Variants in NCDN observed in about 807,000 individuals in gnomAD.
The protein encoded by NCDN is neurochondrin.
NCDN carries 9 observed loss-of-function variants against 60.7 expected under a neutral mutation model. That is an observed-to-expected ratio of 0.15 (90% CI 0.09 to 0.26). The LOEUF (loss-of-function observed/expected upper bound fraction) is 0.26. NCDN is among the 10% of genes least tolerant of loss of function. The pLI is 1.00. For synonymous variants in NCDN, 409 were observed against 442.5 expected (o/e 0.92, Z 0.95); for missense variants, 578 against 975.2 (o/e 0.59, Z 5.42).
rs200433534 is a variant in NCDN at position 35,566,376 on chromosome 1, T to C, written c.*713T>C. On this transcript the variant is annotated 3_prime_UTR_variant, in exon 7 of 7. Transcript: ENST00000373243. The surrounding 1 kb of genome is among the most constrained non-coding windows in gnomAD (Gnocchi z 5.3). ...CAGAGTGACGATGGGGGTTGGGGGG[T>C]TATTTATTTTGCCTGTCCTTATCCC... The C allele has an allele frequency of 2.1e-5, 4 of 187,968 alleles. No individual in the cohort carries two copies. The South Asian group carries it at 3.9e-4, about 18-fold the overall frequency. 11.6% of individuals were successfully genotyped at this position (187,968 alleles called of 1,614,324 possible).
chr1:35,565,599 C>T lies in NCDN; in HGVS notation c.2126C>T (p.Ala709Val), dbSNP rs1242730068. 1.3e-6 allele frequency: 2 copies of T among 1,559,184 alleles called. No homozygotes were observed. The highest frequency in any genetic ancestry group is 2.4e-5 in the East Asian group (1 of 42,174). Residue 709 changes from alanine to valine, a missense_variant, in exon 7 of 7, where the codon GCG (alanine) becomes GTG (valine). Physicochemically the swap from Ala to Val is moderately conservative, Grantham distance 64 (BLOSUM62 0). Transcript: ENST00000373243. The surrounding 1 kb of genome is among the most constrained non-coding windows in gnomAD (Gnocchi z 8.9). Reference protein sequence around the residue: ...RLCREAMRLQAGEETASHYRM... With the variant: ...RLCREAMRLQVGEETASHYRM... ...TGCCGGGAGGCCATGAGGCTGCAGG[C>T]GGGCGAGGAGACGGCCAGCCACTAC...
Position 35,562,572 on chromosome 1 carries a change from G to T in NCDN, c.1324G>T (p.Val442Leu). The change falls in exon 4 of 7, where the codon GTG (valine) becomes TTG (leucine). Residue 442 changes from valine (V) to leucine (L), a missense_variant. Around this residue, in one of 3 missense-constraint regions of NCDN, gnomAD observed 24 missense variants for 19.5 expected, o/e 1.23. Transcript: ENST00000373243. The surrounding 1 kb of genome is among the most constrained non-coding windows in gnomAD (Gnocchi z 6.8). ...GGAGGCCAATGACCTTTCCCAGCAGGTGGCCAACCTGGCCATCTCCCCCAC... is the reference window on the plus strand; with the variant it reads ...GGAGGCCAATGACCTTTCCCAGCAGTTGGCCAACCTGGCCATCTCCCCCAC... ...AEEANDLSQQ[V>L]ANLAISPTTP... is the part of the protein sequence containing the mutation. The T allele has an allele frequency of 6.2e-7, 1 of 1,614,032 alleles. No homozygotes were observed. Among genetic ancestry groups the T allele is most frequent in the East Asian group, 2.2e-5 (1 of 44,862 alleles).
rs778473377 is a variant in NCDN, at chr1:35,560,767, G to T, written c.616G>T (p.Ala206Ser). 6.2e-7 allele frequency: 1 copy of T among 1,612,502 alleles called. No homozygotes were observed. The highest frequency in any genetic ancestry group is 1.3e-5 in the African/African-American group (1 of 74,944). Residue 206 changes from alanine to serine, a missense_variant, in exon 3 of 7, where the codon GCC becomes TCC. By Grantham distance (99) the Ala-to-Ser change is moderately conservative. Transcript: ENST00000373243. The surrounding 1 kb of genome is among the most constrained non-coding windows in gnomAD (Gnocchi z 7.6). ...ACTCCTGGTGGGGCTGCTGGCTGCT[G>T]CCGAGACACAGTGCTGGAAGGAGGC... Reference protein sequence around the residue: ...LALLVGLLAAAETQCWKEAEP... With the variant: ...LALLVGLLAASETQCWKEAEP...
intron 2 of NCDN, among the ~76,000 whole-genome samples, chr1:35,559,677 G>C (rs1256841335): frequency 1.3e-5 from 2 of 150,186 alleles, no homozygotes; most frequent in African/African-American, 4.9e-5. Context: ...CTAGTTTGGG[G>C]CTTAGCCTTT....
In NCDN at chr1:35,558,033, T is replaced by C; in HGVS notation, c.-158T>C. 3 of 1,125,458 alleles carry C rather than the reference T, an allele frequency of 2.7e-6. No individual in the cohort carries two copies. The highest frequency in any genetic ancestry group is 1.6e-5 in the African/African-American group (1 of 63,398). The allele number at this position is 1,125,458 out of a possible 1,614,324, so 69.7% of individuals were successfully genotyped here. A position where few individuals can be genotyped will look rare whatever the true frequency, so the allele number is the denominator to read the frequency against. On this transcript the variant is annotated 5_prime_UTR_variant, in exon 1 of 7. Coordinates refer to ENST00000373243, the MANE Select transcript of NCDN (RefSeq NM_014284.3). This position sits in a 1 kb window ranked among gnomAD's most constrained non-coding sequence, Gnocchi z 6.3. ...ATCGTGCCCTGTCGAGACTCCATTT[T>C]GTCACAGCCCTTTTCAATATATATC...
Position 35,560,889 on chromosome 1 carries a change from C to T in NCDN, c.738C>T (p.Leu246=), listed in dbSNP as rs1050412139. ...TTGAGCTCTGCCAGCTGCTGCCCCT[C>T]TTTTTGCCCCCGACAACCGTGCCCC... ...SKFELCQLLP[L]FLPPTTVPPE... The change falls in exon 3 of 7, where the codon CTC becomes CTT. Residue 246 remains leucine, a synonymous_variant. Coordinates refer to ENST00000373243, the MANE Select transcript of NCDN (RefSeq NM_014284.3). This position sits in a 1 kb window ranked among gnomAD's most constrained non-coding sequence, Gnocchi z 7.6. 1 of 1,614,224 alleles carries T rather than the reference C, an allele frequency of 6.2e-7. No individual in the cohort carries two copies. The highest frequency in any genetic ancestry group is 2.2e-5 in the East Asian group (1 of 44,886).
At position 35,561,859 on chromosome 1, in the gene NCDN, C is replaced by A. The variant is rs566126508; in HGVS notation, c.1144-533C>A. ...TGACTCTGGTCTCTTTAATGGCCTG[C>A]TCCAGCCACCGAGCTCACCAGCCAT... On this transcript the variant is annotated intron_variant, in intron 3 of 6. Transcript: ENST00000373243. This position sits in a 1 kb window ranked among gnomAD's most constrained non-coding sequence, Gnocchi z 4.9. 1.3e-5 allele frequency among the ~76,000 whole-genome samples: 2 copies of A among 152,238 alleles called. No individual in the cohort carries two copies. The highest frequency in any genetic ancestry group is 4.1e-4 in the South Asian group (2 of 4,822).
chr1:35,566,592 TC>T lies in NCDN; in HGVS notation c.*931del, dbSNP rs1329442368. On this transcript the variant is annotated 3_prime_UTR_variant, in exon 7 of 7. Transcript: ENST00000373243. This position sits in a 1 kb window ranked among gnomAD's most constrained non-coding sequence, Gnocchi z 5.3. ...TCTCTGCAGAGACGCGACTGGCGGC[TC>T]CAGCAGGGACTACCTTTCTTATAAA... 2 of 354,914 alleles carry T rather than the reference TC, an allele frequency of 5.6e-6. No individual in the cohort carries two copies. The highest frequency in any genetic ancestry group is 4.4e-5 in the African/African-American group (2 of 45,886). 22.0% of individuals were successfully genotyped at this position (354,914 alleles called of 1,614,324 possible).
intron 6 of NCDN, among the ~76,000 whole-genome samples, chr1:35,564,119 G>A (rs1648796990): frequency 6.6e-6 from 1 of 152,204 alleles, no homozygotes; most frequent in Non-Finnish European, 1.5e-5. Flanking sequence ...TTAAGGCAAA[G>A]TCTGGTGGGT....
Position 35,563,111 on chromosome 1 carries a change from C to T in NCDN, c.1386-91C>T, listed in dbSNP as rs552286363. 1.0e-4 allele frequency: 124 copies of T among 1,207,110 alleles called. 3 individuals carry two copies. In the South Asian group the frequency reaches 1.8e-3, roughly 18 times the overall value. The allele number at this position is 1,207,110 out of a possible 1,614,324, so 74.8% of individuals were successfully genotyped here. ...AGGATGTGTCCTTCTCCCCTACTTC[C>T]ATTTCTCTTAGGCAAGGTGCCCTAA... On this transcript the variant is annotated intron_variant, in intron 4 of 6. Coordinates refer to ENST00000373243, the MANE Select transcript of NCDN (RefSeq NM_014284.3). This position sits in a 1 kb window ranked among gnomAD's most constrained non-coding sequence, Gnocchi z 6.6.
chr1:35,563,707 G>T lies in NCDN; in HGVS notation c.1611-60G>T. On this transcript the variant is annotated intron_variant, in intron 5 of 6. Coordinates refer to ENST00000373243, the MANE Select transcript of NCDN (RefSeq NM_014284.3). The surrounding 1 kb of genome is among the most constrained non-coding windows in gnomAD (Gnocchi z 6.6). ...CCTACTGCCTAATTTCTTGCCAAGG[G>T]CTTGATTTGGCTGTACTAGACCCCC... 6.3e-7 allele frequency: 1 copy of T among 1,585,756 alleles called. No homozygotes were observed. Among genetic ancestry groups the T allele is most frequent in the Non-Finnish European group, 8.6e-7 (1 of 1,163,624 alleles).
chr1:35,562,495 A>C lies in NCDN; in HGVS notation c.1247A>C (p.Gln416Pro). The C allele has an allele frequency of 6.2e-7, 1 of 1,614,152 alleles. No homozygotes were observed. The part of the protein sequence containing the change: ...ETSSLRKEVC[Q>P]LLPFLVRYAK... ...TCATCCTTGCGTAAGGAGGTGTGCC[A>C]GCTGCTGCCCTTCCTCGTCCGCTAT... The change falls in exon 4 of 7, where the codon CAG becomes CCG. Residue 416 changes from glutamine to proline, a missense_variant. Physicochemically the swap from Gln to Pro is moderately conservative, Grantham distance 76. Coordinates refer to ENST00000373243, the MANE Select transcript of NCDN (RefSeq NM_014284.3). This position sits in a 1 kb window ranked among gnomAD's most constrained non-coding sequence, Gnocchi z 6.8.
chr1:35,557,811 G>T lies in NCDN; in HGVS notation c.-380G>T. 2 of 522,012 alleles carry T rather than the reference G, an allele frequency of 3.8e-6. No individual in the cohort carries two copies. The highest frequency in any genetic ancestry group is 2.3e-5 in the Admixed American group (1 of 44,272). The allele number at this position is 522,012 out of a possible 1,614,324, so 32.3% of individuals were successfully genotyped here. The stretch of plus-strand genomic sequence containing the variant: ...GCCTGGAGCCAGGAGTGGGCAACGC[G>T]GCGTGAGCAGCGGCCCGAGGCTCCC... On this transcript the variant is annotated 5_prime_UTR_variant, in exon 1 of 7. Transcript: ENST00000373243.
At chr1:35,564,290 G>C (rs59840055) in intron 6 of NCDN, among the ~76,000 whole-genome samples, 11,940 of 152,084 alleles carry the variant, frequency 0.079, 1,117 homozygotes, top group East Asian at 0.44. Flanking sequence ...GCTCTGCTCG[G>C]TACCTCACCC....
rs1648762179 is a variant in NCDN, at chr1:35,563,262, C to G, written c.1446C>G (p.Ile482Met). 1 of 1,614,084 alleles carries G rather than the reference C, an allele frequency of 6.2e-7. No individual in the cohort carries two copies. Among genetic ancestry groups the G allele is most frequent in the Admixed American group, 1.7e-5 (1 of 60,010 alleles). ...AAGATGGGCCCCGGGAGATCCTGATCAAGGAAGGGGCCCCCTCGCTTCTGT... is the reference window on the plus strand; with the variant it reads ...AAGATGGGCCCCGGGAGATCCTGATGAAGGAAGGGGCCCCCTCGCTTCTGT... ...TVEDGPREIL[I>M]KEGAPSLLCK... Residue 482 changes from isoleucine (I) to methionine (M), a missense_variant, in exon 5 of 7, where the codon ATC becomes ATG. Around this residue, in one of 3 missense-constraint regions of NCDN, gnomAD observed 191 missense variants for 372.1 expected, o/e 0.51. Transcript: ENST00000373243. The surrounding 1 kb of genome is among the most constrained non-coding windows in gnomAD (Gnocchi z 6.6).
Position 35,563,774 on chromosome 1 carries a change from G to A in NCDN, c.1618G>A (p.Ala540Thr), listed in dbSNP as rs777983350. 2.3e-5 allele frequency: 37 copies of A among 1,612,974 alleles called. No homozygotes were observed. Among genetic ancestry groups the A allele is most frequent in the Non-Finnish European group, 3.0e-5 (35 of 1,179,806 alleles). The stretch of plus-strand genomic sequence containing the variant: ...CCCCCCTTTCTTTTCCAGGCGTGAC[G>A]CCTGCTTCACATCTCTAATGAACAC... ...VTAPGLIKRD[A>T]CFTSLMNTLM... The change falls in exon 6 of 7, where the codon GCC becomes ACC. Residue 540 changes from alanine (A) to threonine (T), a missense_variant. Around this residue, in one of 3 missense-constraint regions of NCDN, gnomAD observed 191 missense variants for 372.1 expected, o/e 0.51. Transcript: ENST00000373243. This position sits in a 1 kb window ranked among gnomAD's most constrained non-coding sequence, Gnocchi z 6.6.
rs1447898700 is a variant in NCDN at position 35,562,512 on chromosome 1, G to A, written c.1264G>A (p.Val422Ile). ...GGTGTGCCAGCTGCTGCCCTTCCTC[G>A]TCCGCTATGCCAAGACCCTCTACGA... ...KEVCQLLPFL[V>I]RYAKTLYEEA... Residue 422 changes from valine to isoleucine, a missense_variant, in exon 4 of 7, where the codon GTC becomes ATC. By Grantham distance (29) the Val-to-Ile change is conservative. Transcript: ENST00000373243. This position sits in a 1 kb window ranked among gnomAD's most constrained non-coding sequence, Gnocchi z 6.8. 16 of 1,613,942 alleles carry A rather than the reference G, an allele frequency of 9.9e-6. No individual in the cohort carries two copies. The highest frequency in any genetic ancestry group is 5.3e-5 in the African/African-American group (4 of 74,876).
rs1288547193 is a variant in NCDN at position 35,558,210 on chromosome 1, C to T, written c.20C>T (p.Ala7Val). The T allele has an allele frequency of 6.2e-7, 1 of 1,614,102 alleles. No homozygotes were observed. The highest frequency in any genetic ancestry group is 8.5e-7 in the Non-Finnish European group (1 of 1,179,992). ...TCATCAATGTCGTGTTGTGACCTGG[C>T]TGCGGCGGGACAGGTGGTGACCGCC... MSCCDLAAAGQLGKASI... is the reference protein window; with the variant it reads MSCCDLVAAGQLGKASI... The change falls in exon 1 of 7, where the codon GCT becomes GTT. Residue 7 changes from alanine to valine, a missense_variant. By Grantham distance (64) the Ala-to-Val change is moderately conservative. Transcript: ENST00000373243. This position sits in a 1 kb window ranked among gnomAD's most constrained non-coding sequence, Gnocchi z 6.3.
At chr1:35,559,061 C>CCCCCCCCCCCCCCCCCCG in intron 1 of NCDN, 46 bp from the exon 2 acceptor site, 1 of 1,474,768 alleles carries the variant, frequency 6.8e-7, no homozygotes, top group South Asian at 1.2e-5. Context: ...ACCCCACCCC[C>CCCCCCCCCCCCCCCCCCG]GTCCCTCCTC....
Sources: gnomAD v4.1 joint callset for allele counts (sites outside exome capture counted in the v4.1 genomes callset) on GRCh38, gnomAD v4.1.1 for gene constraint, gnomAD v4.1.1 regional missense constraint, Gnocchi (gnomAD v3.1) non-coding constraint, MANE v1.5 for transcripts, NCBI Gene and HGNC (gene_info 2026-07-23, HGNC 2026-07-21) for gene names.